Variants in ZSWIM5 observed in about 807,000 individuals in gnomAD.
The protein encoded by ZSWIM5 is zinc finger SWIM domain-containing protein 5.
Under a neutral mutation model 119.6 loss-of-function variants are expected in ZSWIM5, and 55 were observed. That is an observed-to-expected ratio of 0.46 (90% CI 0.37 to 0.58). ZSWIM5 has a LOEUF of 0.58. Among genes scored for constraint, ZSWIM5 ranks in the 20% least tolerant of loss-of-function variants. The probability of loss-of-function intolerance (pLI) is 0.00; values close to 1 mark genes in which losing one functional copy is unlikely to be tolerated. For missense variants in ZSWIM5, 1,193 were observed against 1,512.8 expected (o/e 0.79, Z 3.51); for synonymous variants, 537 against 606.9 (o/e 0.88, Z 1.69).
At chr1:45,037,392 A>G (rs2148992284) in intron 8 of ZSWIM5, among the ~76,000 whole-genome samples, 1 of 152,266 alleles carries the variant, frequency 6.6e-6, no homozygotes. Flanking sequence ...ATTACAGGCG[A>G]GAGCCACTGC....
At chr1:45,120,695 C>T (rs1330379015) in intron 1 of ZSWIM5, among the ~76,000 whole-genome samples, 1 of 150,900 alleles carries the variant, frequency 6.6e-6, no homozygotes, top group Non-Finnish European at 1.5e-5. Flanking sequence ...AGGCTGGTGT[C>T]GAACTCCTGG....
chr1:45,162,483 G>T (rs1487248343), intron 1 of ZSWIM5, among the ~76,000 whole-genome samples: 1 of 152,214 alleles, frequency 6.6e-6, no homozygotes, highest in African/African-American at 2.4e-5. Flanking sequence ...TCAGACAGTG[G>T]GTGCAGCCCA....
chr1:45,204,462 T>C (rs1646175425), intron 1 of ZSWIM5, among the ~76,000 whole-genome samples: 1 of 152,196 alleles, frequency 6.6e-6, no homozygotes, highest in Non-Finnish European at 1.5e-5. Context: ...CAAGCCACTG[T>C]CACTATATTC....
intron 1 of ZSWIM5, among the ~76,000 whole-genome samples, chr1:45,203,845 T>C (rs1288037236): frequency 6.6e-6 from 1 of 152,100 alleles, no homozygotes; most frequent in African/African-American, 2.4e-5. Context: ...GGTTCTCAAG[T>C]AGCATAAACT....
intron 1 of ZSWIM5, among the ~76,000 whole-genome samples, chr1:45,187,563 GA>G (rs1268051757): frequency 6.6e-6 from 1 of 151,352 alleles, no homozygotes. Context: ...TCAAAAGAAA[GA>G]AAGAAAGAAA....
chr1:45,175,727 T>C (rs566857492), intron 1 of ZSWIM5, among the ~76,000 whole-genome samples: 55 of 151,790 alleles, frequency 3.6e-4, no homozygotes, highest in Middle Eastern at 3.4e-3. Flanking sequence ...GCTGGGATTA[T>C]AGGCATGAAC....
rs116733763 is a variant in ZSWIM5, at chr1:45,172,923, G to A, written c.595+32833C>T. Among the ~76,000 whole-genome samples, 705 of 152,042 alleles carry A rather than the reference G, an allele frequency of 4.6e-3. 10 individuals carry two copies. Among genetic ancestry groups the A allele is most frequent in the African/African-American group, 0.016 (663 of 41,486 alleles). ...TCATGCCTATAATCCCAATGCTTTC[G>A]GAAGCCAAGGTGGGAAGATTGCTTA... On this transcript the variant is annotated intron_variant, in intron 1 of 13. Transcript: ENST00000359600.
chr1:45,029,750 T>C (rs1644941146), intron 11 of ZSWIM5, among the ~76,000 whole-genome samples: 1 of 152,244 alleles, frequency 6.6e-6, no homozygotes. Flanking sequence ...GGTTCACTCA[T>C]GTTGTACCAT....
Position 45,064,586 on chromosome 1 carries a change from C to T in ZSWIM5, c.953-4339G>A, listed in dbSNP as rs538480809. Among the ~76,000 whole-genome samples, 129 of 152,290 alleles carry T rather than the reference C, an allele frequency of 8.5e-4. 1 individual carries two copies. The highest frequency in any genetic ancestry group is 3.1e-3 in the African/African-American group (127 of 41,556). On this transcript the variant is annotated intron_variant, in intron 2 of 13. Transcript: ENST00000359600. ...TTGAGTTCTTTCTGTATGCTAGAGG[C>T]ACTTTTTATACATATACCCATTAGA...
intron 3 of ZSWIM5, among the ~76,000 whole-genome samples, chr1:45,059,680 A>G (rs1645141942): frequency 6.6e-6 from 1 of 152,172 alleles, no homozygotes; most frequent in African/African-American, 2.4e-5. Context: ...TATGAATTAT[A>G]TCTCACTGAA....
Position 45,019,422 on chromosome 1 carries a change from C to A in ZSWIM5, c.2696-106G>T. 7.0e-7 allele frequency: 1 copy of A among 1,438,230 alleles called. No individual in the cohort carries two copies. Among genetic ancestry groups the A allele is most frequent in the Admixed American group, 2.3e-5 (1 of 43,572 alleles). The allele number at this position is 1,438,230 out of a possible 1,614,324, so 89.1% of individuals were successfully genotyped here. A position where few individuals can be genotyped will look rare whatever the true frequency, so the allele number is the denominator to read the frequency against. On this transcript the variant is annotated intron_variant, in intron 13 of 13. Coordinates refer to ENST00000359600, the MANE Select transcript of ZSWIM5 (RefSeq NM_020883.2). The surrounding 1 kb of genome is among the most constrained non-coding windows in gnomAD (Gnocchi z 5.0). ...CTTGGCCTGCAGAGATGAATTCTTC[C>A]TCCTCAGCAACCTTGAGATGATATG... is the stretch of plus-strand genomic sequence containing the variant.
At chr1:45,167,005 G>T (rs1401358387) in intron 1 of ZSWIM5, among the ~76,000 whole-genome samples, 2 of 151,992 alleles carry the variant, frequency 1.3e-5, no homozygotes, top group African/African-American at 2.4e-5. Flanking sequence ...AAAAGAGCCC[G>T]CATTGCCAAG....
chr1:45,110,181 T>G (rs1645508397), intron 1 of ZSWIM5, among the ~76,000 whole-genome samples: 1 of 152,234 alleles, frequency 6.6e-6, no homozygotes, highest in African/African-American at 2.4e-5. Flanking sequence ...ATTTAAACAA[T>G]GTTTAAATTT....
At chr1:45,075,730 G>A (rs1040002835) in intron 2 of ZSWIM5, among the ~76,000 whole-genome samples, 7 of 151,998 alleles carry the variant, frequency 4.6e-5, no homozygotes, top group Non-Finnish European at 1.0e-4. Flanking sequence ...GATAAGTAAG[G>A]ACTTAGTCCT....
intron 1 of ZSWIM5, among the ~76,000 whole-genome samples, chr1:45,152,319 G>A (rs1359232081): frequency 2.0e-5 from 3 of 152,176 alleles, no homozygotes; most frequent in Non-Finnish European, 4.4e-5. Flanking sequence ...CAATAATCCT[G>A]GCAAGAGACG....
chr1:45,070,967 T>C (rs2149004697), intron 2 of ZSWIM5, among the ~76,000 whole-genome samples: 2 of 152,308 alleles, frequency 1.3e-5, no homozygotes, highest in South Asian at 4.2e-4. Flanking sequence ...TGGTATTCAA[T>C]CTTTCTTTTT....
intron 2 of ZSWIM5, among the ~76,000 whole-genome samples, chr1:45,086,358 C>G (rs1266055113): frequency 1.3e-5 from 2 of 152,012 alleles, no homozygotes; most frequent in Non-Finnish European, 2.9e-5. Flanking sequence ...AGTTATCATC[C>G]AAAAGAGAAA....
chr1:45,048,082 CTTTTTTTT>C (rs1187025417), intron 5 of ZSWIM5, among the ~76,000 whole-genome samples: 1 of 85,248 alleles, frequency 1.2e-5, no homozygotes, highest in Non-Finnish European at 2.3e-5. Flanking sequence ...TTTCTTTTCT[CTTTTTTTT>C]TTTTTTTTTT....
intron 7 of ZSWIM5, among the ~76,000 whole-genome samples, chr1:45,039,618 C>T (rs991508894): frequency 1.3e-5 from 2 of 152,158 alleles, no homozygotes; most frequent in African/African-American, 2.4e-5. Context: ...CTCCTGGCCT[C>T]AAGTGATCCA....
Sources: gnomAD v4.1 joint callset for allele counts (sites outside exome capture counted in the v4.1 genomes callset) on GRCh38, gnomAD v4.1.1 for gene constraint, Gnocchi (gnomAD v3.1) non-coding constraint, MANE v1.5 for transcripts, NCBI Gene and HGNC (gene_info 2026-07-23, HGNC 2026-07-21) for gene names.